The following ZFP1 variants were observed in gnomAD, a reference collection of about 807,000 sequenced individuals.
ZFP1 encodes the protein ZFP1 zinc finger protein, also known as zinc finger protein 1 homolog.
ZFP1 carries 32 observed loss-of-function variants against 38.5 expected under a neutral mutation model. The observed-to-expected ratio is 0.83, with a 90% CI of 0.63 to 1.12. The LOEUF (loss-of-function observed/expected upper bound fraction) is 1.12, where lower values mean the gene tolerates loss of function less well. Ranked by LOEUF, ZFP1 falls within the 50% of genes most tolerant of loss-of-function variation. The pLI is 0.00. For missense variants in ZFP1, 616 were observed against 480.8 expected, an observed-to-expected ratio of 1.28 and a Z score of -2.63; for synonymous variants, 245 against 168.8, an observed-to-expected ratio of 1.45 and a Z score of -3.50.
chr16:75,155,254 C>T (rs1567526495), intron 2 of ZFP1, among the ~76,000 whole-genome samples: 5 of 152,192 alleles, frequency 3.3e-5, no homozygotes, highest in Admixed American at 1.3e-4. Context: ...CCTAAATCCC[C>T]GCAAGTAGCT....
chr16:75,166,583 AG>A (rs1360717428), intron 2 of ZFP1, 186 bp from the exon 3 acceptor site: 2 of 985,214 alleles, frequency 2.0e-6, no homozygotes, highest in Non-Finnish European at 2.4e-6. Flanking sequence ...CCAGAGATAT[AG>A]GGGAATCTGA....
rs982023649 is a variant in ZFP1 at position 75,163,263 on chromosome 16, A to G, written c.16-3507A>G. Among the ~76,000 whole-genome samples the G allele has an allele frequency of 2.6e-5, 4 of 151,564 alleles. No homozygotes were observed. The East Asian group carries it at 5.8e-4, about 22-fold the overall frequency. ...AATGTTGTCTCTTACTGTCTCTATC[A>G]TATGAGGATCTGCCCTCCCCAGCGT... On this transcript the variant is annotated intron_variant, in intron 2 of 3. Transcript: ENST00000570010.
At chr16:75,169,199 A>G in intron 3 of ZFP1, 54 bp from the exon 4 acceptor site, 1 of 1,523,154 alleles carries the variant, frequency 6.6e-7, no homozygotes, top group South Asian at 1.4e-5. Flanking sequence ...CCATTCGGTA[A>G]CATTATAGCG....
At chr16:75,151,978 T>G (rs530808695) in intron 1 of ZFP1, among the ~76,000 whole-genome samples, 15 of 152,316 alleles carry the variant, frequency 9.8e-5, no homozygotes, top group Non-Finnish European at 1.3e-4. Context: ...AGTTAATAGT[T>G]TTTTGCTTTA....
At chr16:75,158,457 G>T (rs983385333) in intron 2 of ZFP1, among the ~76,000 whole-genome samples, 1 of 151,346 alleles carries the variant, frequency 6.6e-6, no homozygotes, top group Non-Finnish European at 1.5e-5. Context: ...GTTCTCCCAC[G>T]TCAGCCTCCT....
Position 75,171,071 on chromosome 16 carries a change from T to C in ZFP1, c.*737T>C, listed in dbSNP as rs2038402141. 1 of 144,724 alleles carries C rather than the reference T, an allele frequency of 6.9e-6. No homozygotes were observed. The highest frequency in any genetic ancestry group is 1.5e-5 in the Non-Finnish European group (1 of 65,002). 9.0% of individuals were successfully genotyped at this position (144,724 alleles called of 1,614,324 possible). The stretch of plus-strand genomic sequence containing the variant: ...ACGTGAAGGAGGCAGACATGAGCTG[T>C]ACTACTCAGTATGCACCACAGAATA... On this transcript the variant is annotated 3_prime_UTR_variant, in exon 4 of 4. Coordinates refer to ENST00000570010, the MANE Select transcript of ZFP1 (RefSeq NM_153688.4).
At chr16:75,146,817 G>A (rs1379657792), upstream of ZFP1, among the ~76,000 whole-genome samples, 1 of 151,868 alleles carries the variant, frequency 6.6e-6, no homozygotes, top group Non-Finnish European at 1.5e-5. Context: ...GTGTATGCCT[G>A]TAGTTTTAGC....
intron 2 of ZFP1, among the ~76,000 whole-genome samples, chr16:75,160,488 A>G (rs1384420966): frequency 1.3e-5 from 2 of 151,832 alleles, no homozygotes; most frequent in African/African-American, 2.4e-5. Context: ...ACTAAACCCC[A>G]TCTGTACTAA....
At chr16:75,165,551 C>T (rs1354979190) in intron 2 of ZFP1, among the ~76,000 whole-genome samples, 2 of 152,184 alleles carry the variant, frequency 1.3e-5, no homozygotes, top group South Asian at 2.1e-4. Flanking sequence ...CCCTCTACCA[C>T]ACCCGGATAA....
chr16:75,130,945 G>T, the ZFP1 span, among the ~76,000 whole-genome samples: 1 of 151,788 alleles, frequency 6.6e-6, no homozygotes, highest in Admixed American at 6.6e-5. Flanking sequence ...ATCCTGCTGT[G>T]CCCTGCTGAC....
chr16:75,159,343 C>CT (rs1567530490), intron 2 of ZFP1, among the ~76,000 whole-genome samples: 1 of 7,086 alleles, frequency 1.4e-4, no homozygotes. Context: ...CCCTCCCTCC[C>CT]TCCCTCCCTT....
At chr16:75,121,019 C>T in the ZFP1 span, among the ~76,000 whole-genome samples, 2 of 152,134 alleles carry the variant, frequency 1.3e-5, no homozygotes, top group African/African-American at 2.4e-5. Flanking sequence ...AAAAGCATCA[C>T]GTGTTCTAAC....
chr16:75,124,560 G>T, the ZFP1 span, among the ~76,000 whole-genome samples: 1 of 149,922 alleles, frequency 6.7e-6, no homozygotes, highest in Non-Finnish European at 1.5e-5. Flanking sequence ...GAGGCGGGTG[G>T]ATCATGAGGT....
chr16:75,122,432 G>A, the ZFP1 span, among the ~76,000 whole-genome samples: 2 of 152,224 alleles, frequency 1.3e-5, no homozygotes, highest in Non-Finnish European at 2.9e-5. Flanking sequence ...GGGAACAGCT[G>A]TGAACTACTG....
chr16:75,133,592 T>A, the ZFP1 span, among the ~76,000 whole-genome samples: 3 of 152,246 alleles, frequency 2.0e-5, no homozygotes, highest in Non-Finnish European at 4.4e-5. Context: ...AAAGACATGA[T>A]CTTTTTCATG....
Position 75,161,772 on chromosome 16 carries a change from A to ATTT in ZFP1, c.16-4997_16-4996insTTT, listed in dbSNP as rs1344293752. On this transcript the variant is annotated intron_variant, in intron 2 of 3. Coordinates refer to ENST00000570010, the MANE Select transcript of ZFP1 (RefSeq NM_153688.4). Reference sequence around the variant, plus strand: ...AGTTTTATGAAATATATATATATATATATTTTTTTTTTTTTTTTTTTTTTT... The same window carrying ATTT: ...AGTTTTATGAAATATATATATATATATTTTATTTTTTTTTTTTTTTTTTTTTTT... Among the ~76,000 whole-genome samples, 33 of 7,244 alleles carry ATTT rather than the reference A, an allele frequency of 4.6e-3. 3 individuals carry two copies. The highest frequency in any genetic ancestry group is 0.031 in the South Asian group (7 of 226). 4.8% of individuals were successfully genotyped at this position (7,244 alleles called of 152,430 possible).
At chr16:75,165,596 T>A (rs2038031631) in intron 2 of ZFP1, among the ~76,000 whole-genome samples, 1 of 152,074 alleles carries the variant, frequency 6.6e-6, no homozygotes, top group Non-Finnish European at 1.5e-5. Flanking sequence ...GGTTTCACCA[T>A]CTTTGCCAGG....
chr16:75,160,862 C>G (rs750340010), intron 2 of ZFP1, among the ~76,000 whole-genome samples: 43 of 151,896 alleles, frequency 2.8e-4, no homozygotes, highest in Non-Finnish European at 5.3e-4. Context: ...TCATCAAGCC[C>G]CGTTAGAAGG....
chr16:75,141,361 C>T, the ZFP1 span, among the ~76,000 whole-genome samples: 7 of 151,852 alleles, frequency 4.6e-5, no homozygotes, highest in South Asian at 2.1e-4. Context: ...CACCACCACA[C>T]CTGGCTAATT....
Sources: gnomAD v4.1 joint callset for allele counts (sites outside exome capture counted in the v4.1 genomes callset) on GRCh38, gnomAD v4.1.1 for gene constraint, MANE v1.5 for transcripts, NCBI Gene and HGNC (gene_info 2026-07-23, HGNC 2026-07-21) for gene names.